Variants in PTPN12 observed in about 807,000 individuals in gnomAD.
PTPN12 encodes the protein tyrosine-protein phosphatase non-receptor type 12.
A neutral mutation model predicts 97.6 loss-of-function variants in PTPN12; 29 were observed. The observed-to-expected ratio is 0.30, with a 90% CI of 0.22 to 0.41. The LOEUF is 0.41. PTPN12 is among the 10% of genes least tolerant of loss of function. The pLI is 1.00. For missense variants in PTPN12, 819 were observed against 926.0 expected (o/e 0.88, Z 1.50); for synonymous variants, 327 against 300.4 (o/e 1.09, Z -0.91).
At chr7:77,571,001 G>A (rs1310753901) in intron 1 of PTPN12, 77 bp from the exon 2 acceptor site, 1 of 867,240 alleles carries the variant, frequency 1.2e-6, no homozygotes, top group Non-Finnish European at 1.7e-6. Flanking sequence ...TGAGGAATTG[G>A]GGTCACCAGA....
At chr7:77,564,795 T>C (rs11983397) in intron 1 of PTPN12, among the ~76,000 whole-genome samples, 1 of 121,290 alleles carries the variant, frequency 8.2e-6, no homozygotes, top group Non-Finnish European at 1.7e-5. Context: ...ATCTCGCCCT[T>C]GTGCCAGGCT....
In PTPN12 at chr7:77,639,277, A is replaced by G. The variant is rs1197205146; in HGVS notation, c.2340A>G (p.Thr780=). Residue 780 remains threonine (T), a synonymous_variant, in exon 18 of 18, where the codon ACA becomes ACG. Coordinates refer to ENST00000248594, the MANE Select transcript of PTPN12 (RefSeq NM_002835.4). ...KGPRDPPSEW[T] ...CAAGAGATCCACCTTCAGAATGGACATGATTCAGGGAGCTAGAAGACACTT... is the reference window on the plus strand; with the variant it reads ...CAAGAGATCCACCTTCAGAATGGACGTGATTCAGGGAGCTAGAAGACACTT... The G allele has an allele frequency of 3.1e-6, 5 of 1,611,560 alleles. No homozygotes were observed. The African/African-American group carries it at 4.0e-5, about 13-fold the overall frequency.
intron 1 of PTPN12, among the ~76,000 whole-genome samples, chr7:77,569,923 A>C (rs1314299749): frequency 6.6e-6 from 1 of 152,200 alleles, no homozygotes; most frequent in Non-Finnish European, 1.5e-5. Context: ...TCCTGGCTTC[A>C]AGCAGTCCTC....
At chr7:77,627,799 C>G (rs973432749) in intron 13 of PTPN12, 124 bp downstream of exon 13, 3 of 956,892 alleles carry the variant, frequency 3.1e-6, no homozygotes, top group African/African-American at 1.6e-5. Context: ...ACAGCAAAAT[C>G]TGTCTTAGAT....
intron 2 of PTPN12, among the ~76,000 whole-genome samples, chr7:77,574,481 G>C (rs577577142): frequency 6.6e-6 from 1 of 152,292 alleles, no homozygotes; most frequent in African/African-American, 2.4e-5. Flanking sequence ...AACACAGGCG[G>C]TTTTAAAGCC....
rs769259258 is a variant in PTPN12, at chr7:77,585,628, ATT to A, written c.420+48_420+49del. 1.4e-5 allele frequency: 21 copies of A among 1,481,258 alleles called. No individual in the cohort carries two copies. The East Asian group carries it at 4.8e-4, about 34-fold the overall frequency. The allele number at this position is 1,481,258 out of a possible 1,614,324, so 91.8% of individuals were successfully genotyped here. On this transcript the variant is annotated intron_variant, in intron 5 of 17. Coordinates refer to ENST00000248594, the MANE Select transcript of PTPN12 (RefSeq NM_002835.4). ...TACTATTTCATTTTTACGGATAAAT[ATT>A]CTTAGTCTTTTATTATTATAGTCTT...
At chr7:77,581,341 T>C in intron 2 of PTPN12, 86 bp from the exon 3 acceptor site, 1 of 795,412 alleles carries the variant, frequency 1.3e-6, no homozygotes, top group East Asian at 2.8e-5. Flanking sequence ...TAAATGTTCT[T>C]AAGCTGTCTA....
chr7:77,625,550 T>C (rs1364337809), intron 12 of PTPN12, among the ~76,000 whole-genome samples: 1 of 93,178 alleles, frequency 1.1e-5, no homozygotes, highest in Non-Finnish European at 2.0e-5. Flanking sequence ...GCGCTCTCTC[T>C]CTCGCTCTCT....
At chr7:77,636,879 A>C in intron 15 of PTPN12, 139 bp from the exon 16 acceptor site, 2 of 598,402 alleles carry the variant, frequency 3.3e-6, no homozygotes, top group Non-Finnish European at 5.7e-6. Flanking sequence ...TAATTAAAAA[A>C]CAATTGTTTG....
intron 15 of PTPN12, among the ~76,000 whole-genome samples, chr7:77,636,552 A>G (rs1231406363): frequency 6.6e-6 from 1 of 152,188 alleles, no homozygotes; most frequent in Non-Finnish European, 1.5e-5. Flanking sequence ...ACTGCACTCC[A>G]GCCTGAGTGA....
chr7:77,626,004 A>T (rs974841950), intron 12 of PTPN12, among the ~76,000 whole-genome samples: 17 of 152,234 alleles, frequency 1.1e-4, no homozygotes, highest in Non-Finnish European at 1.8e-4. Context: ...TAGCTCTGTG[A>T]TGGACTAGGG....
intron 7 of PTPN12, among the ~76,000 whole-genome samples, chr7:77,599,885 A>G (rs1251989393): frequency 6.6e-6 from 1 of 152,214 alleles, no homozygotes; most frequent in Non-Finnish European, 1.5e-5. Context: ...ACTCCTTTAC[A>G]TTCTTCAAAG....
At chr7:77,605,781 A>G (rs925400412) in intron 8 of PTPN12, among the ~76,000 whole-genome samples, 1 of 151,698 alleles carries the variant, frequency 6.6e-6, no homozygotes, top group African/African-American at 2.4e-5. Context: ...AGCTCCCATT[A>G]GTTTTTTGGG....
In PTPN12 at chr7:77,627,224, G is replaced by T. The variant is rs924530316; in HGVS notation, c.1545G>T (p.Gln515His). 1.9e-6 allele frequency: 3 copies of T among 1,614,064 alleles called. No homozygotes were observed. In the Admixed American group the frequency reaches 5.0e-5, roughly 27 times the overall value. The change falls in exon 13 of 18, where the codon CAG (glutamine) becomes CAT (histidine). Residue 515 changes from glutamine (Q) to histidine (H), a missense_variant. By Grantham distance (24) the Gln-to-His change is conservative. Transcript: ENST00000248594. Reference sequence around the variant, plus strand: ...CAGTTACTCCACCAGAAGAATCCCAGAATTCAGACACACCTCCAAGGCCAG... The same window carrying T: ...CAGTTACTCCACCAGAAGAATCCCATAATTCAGACACACCTCCAAGGCCAG... ...KVSVTPPEES[Q>H]NSDTPPRPDR...
chr7:77,615,634 C>T (rs1788725269), intron 11 of PTPN12, among the ~76,000 whole-genome samples: 1 of 152,116 alleles, frequency 6.6e-6, no homozygotes, highest in Non-Finnish European at 1.5e-5. Context: ...GCCTGTAGTC[C>T]TAGCTACTTG....
chr7:77,576,877 G>A (rs1787360781), intron 2 of PTPN12, among the ~76,000 whole-genome samples: 1 of 152,212 alleles, frequency 6.6e-6, no homozygotes, highest in Non-Finnish European at 1.5e-5. Flanking sequence ...GAAGATGCAG[G>A]CAGGTGAAGG....
intron 1 of PTPN12, among the ~76,000 whole-genome samples, chr7:77,564,746 G>GGTTTTTTTTTTTTTTTTTTTTTTT (rs1808162192): frequency 2.2e-5 from 1 of 45,370 alleles, no homozygotes; most frequent in African/African-American, 9.0e-5. Flanking sequence ...TTGTTGTCGT[G>GGTTTTTTTTTTTTTTTTTTTTTTT]TTTTTTTTTT....
At chr7:77,605,796 G>T (rs1788351502) in intron 8 of PTPN12, among the ~76,000 whole-genome samples, 1 of 151,986 alleles carries the variant, frequency 6.6e-6, no homozygotes. Flanking sequence ...TTTGGGATAT[G>T]AGAGCATATC....
At chr7:77,618,999 G>A (rs1788845137) in intron 12 of PTPN12, among the ~76,000 whole-genome samples, 1 of 152,042 alleles carries the variant, frequency 6.6e-6, no homozygotes, top group South Asian at 2.1e-4. Context: ...ATTTATAATA[G>A]TTAAAATCAT....
Sources: allele counts gnomAD v4.1 joint callset (sites outside exome capture counted in the v4.1 genomes callset), GRCh38; gene constraint gnomAD v4.1.1; transcripts MANE v1.5; gene names NCBI Gene and HGNC (gene_info 2026-07-23, HGNC 2026-07-21).